POLN: variants seen among roughly 807,000 people sequenced by gnomAD.
POLN encodes DNA polymerase nu, also known as DNA polymerase N.
In POLN, 108 loss-of-function variants were observed where a neutral mutation model predicts 113.5. The observed-to-expected ratio is 0.95, with a 90% CI of 0.81 to 1.12. The LOEUF (loss-of-function observed/expected upper bound fraction) is 1.12. Among genes scored for constraint, POLN ranks in the 50% most tolerant of loss-of-function variants. The probability of loss-of-function intolerance (pLI) is 0.00; values close to 1 mark genes in which losing one functional copy is unlikely to be tolerated. For missense variants in POLN, 1,097 were observed against 1,077.1 expected (o/e 1.02, Z -0.26); for synonymous variants, 386 against 391.5 (o/e 0.99, Z 0.17).
chr4:2,170,274 C>A (rs185200416), intron 13 of POLN, among the ~76,000 whole-genome samples: 184 of 151,950 alleles, frequency 1.2e-3, no homozygotes, highest in Admixed American at 2.8e-3. Context: ...TCCTTGTCTT[C>A]AAAAAAAATT....
In POLN at chr4:2,238,619, T is replaced by C. The variant is rs1194005583; in HGVS notation, c.-13+2901A>G. 5.0e-6 allele frequency: 8 copies of C among 1,595,736 alleles called. No individual in the cohort carries two copies. The South Asian group carries it at 6.7e-5, about 13-fold the overall frequency. On this transcript the variant is annotated intron_variant, in intron 2 of 25. Transcript: ENST00000511885. ...GCATACGTACCTATGAGTAGAATAA[T>C]CCTTAGTATCAATGGTATTCCTTGG...
chr4:2,198,680 A>C lies in POLN; in HGVS notation c.752T>G (p.Val251Gly). ...ATGGCCACCCTCTGCTTGGCGTTTT[A>C]CTAACACCACAATTCCTCTAACAGA... ...VSSVRGIVVL[V>G]KRQAEGGHGC... Residue 251 changes from valine to glycine, a missense_variant, in exon 6 of 26, where the codon GTA becomes GGA. Physicochemically the swap from Val to Gly is moderately radical, Grantham distance 109 (BLOSUM62 -3). Transcript: ENST00000511885. The C allele has an allele frequency of 6.2e-7, 1 of 1,613,020 alleles. No homozygotes were observed. Among genetic ancestry groups the C allele is most frequent in the Non-Finnish European group, 8.5e-7 (1 of 1,179,602 alleles).
intron 20 of POLN, among the ~76,000 whole-genome samples, chr4:2,087,984 T>C (rs1730588384): frequency 6.6e-6 from 1 of 152,142 alleles, no homozygotes. Flanking sequence ...ATGCCCACTG[T>C]GCCTGGTTAA....
chr4:2,133,894 T>G (rs1203666632), intron 16 of POLN, among the ~76,000 whole-genome samples: 9 of 152,362 alleles, frequency 5.9e-5, no homozygotes, highest in Admixed American at 5.9e-4. Flanking sequence ...ACTCTTGCTG[T>G]TGTACATTCT....
rs535684206 is a variant in POLN, at chr4:2,225,487, G to A, written c.133+3612C>T. Among the ~76,000 whole-genome samples, 7 of 151,698 alleles carry A rather than the reference G, an allele frequency of 4.6e-5. No homozygotes were observed. In the South Asian group the frequency reaches 1.5e-3, roughly 32 times the overall value. ...GGAGAATCCCTTGAACCCAGGAGGGGGGGTTGCAGTGAGCCGAGATCGCAC... is the reference window on the plus strand; with the variant it reads ...GGAGAATCCCTTGAACCCAGGAGGGAGGGTTGCAGTGAGCCGAGATCGCAC... On this transcript the variant is annotated intron_variant, in intron 3 of 25. Transcript: ENST00000511885.
chr4:2,217,095 C>T (rs1734131144), intron 3 of POLN, among the ~76,000 whole-genome samples: 1 of 152,200 alleles, frequency 6.6e-6, no homozygotes, highest in South Asian at 2.1e-4. Context: ...CCTCCACATG[C>T]CTTACTCCAG....
At chr4:2,230,486 G>C (rs1299361705) in intron 2 of POLN, 1 of 152,020 alleles carries the variant, frequency 6.6e-6, no homozygotes, top group African/African-American at 2.4e-5. Flanking sequence ...AAAAAAAGTT[G>C]CTCAGGTGAT....
chr4:2,169,940 G>A (rs1017771639), intron 13 of POLN, among the ~76,000 whole-genome samples: 4 of 152,222 alleles, frequency 2.6e-5, no homozygotes, highest in Admixed American at 6.5e-5. Flanking sequence ...CACAGTCAAC[G>A]AGCTCAGGCT....
intron 6 of POLN, among the ~76,000 whole-genome samples, chr4:2,193,932 T>A (rs1029814857): frequency 3.3e-5 from 5 of 152,204 alleles, no homozygotes; most frequent in Non-Finnish European, 4.4e-5. Flanking sequence ...TGCTGTATTA[T>A]AATGTGCCTT....
intron 20 of POLN, 113 bp downstream of exon 20, chr4:2,095,738 C>A: frequency 1.1e-6 from 1 of 950,934 alleles, no homozygotes; most frequent in Non-Finnish European, 1.7e-6. Context: ...AGAGCATAAA[C>A]AACACCCAGG....
chr4:2,132,010 C>G (rs978938087), intron 16 of POLN, among the ~76,000 whole-genome samples: 2 of 152,198 alleles, frequency 1.3e-5, no homozygotes, highest in African/African-American at 4.8e-5. Flanking sequence ...CTGGCTAAAT[C>G]TGACGAATTG....
intron 19 of POLN, among the ~76,000 whole-genome samples, chr4:2,124,008 G>A (rs1731515463): frequency 6.6e-6 from 1 of 152,116 alleles, no homozygotes; most frequent in African/African-American, 2.4e-5. Flanking sequence ...GTATTTTTCA[G>A]CCTTAAAAAG....
Position 2,171,197 on chromosome 4 carries a change from A to G in POLN, c.1375-16T>C. 1 of 1,586,238 alleles carries G rather than the reference A, an allele frequency of 6.3e-7. No individual in the cohort carries two copies. The highest frequency in any genetic ancestry group is 8.6e-7 in the Non-Finnish European group (1 of 1,161,206). On this transcript the variant is annotated splice_polypyrimidine_tract_variant and intron_variant, in intron 11 of 25. Coordinates refer to ENST00000511885, the MANE Select transcript of POLN (RefSeq NM_181808.4). ...TGAGACGAGCCTGAAAATATGATAC[A>G]CACAATTAATTTCATTCATAGTTTT...
chr4:2,148,199 A>G (rs1047172316), intron 16 of POLN, among the ~76,000 whole-genome samples: 1 of 152,232 alleles, frequency 6.6e-6, no homozygotes, highest in African/African-American at 2.4e-5. Flanking sequence ...AGTGAACTAG[A>G]CAATATAGTA....
In POLN at chr4:2,194,641, A is replaced by C. The variant is rs141098528; in HGVS notation, c.909-1325T>G. Among the ~76,000 whole-genome samples, 257 of 152,276 alleles carry C rather than the reference A, an allele frequency of 1.7e-3. 2 individuals carry two copies. The highest frequency in any genetic ancestry group is 5.9e-3 in the African/African-American group (244 of 41,554). On this transcript the variant is annotated intron_variant, in intron 6 of 25. Transcript: ENST00000511885. The stretch of plus-strand genomic sequence containing the variant: ...AAACTCAAGAGTTCTGTGATGAGGT[A>C]ATCTACCAACTACACTATCTTCCGC...
intron 2 of POLN, chr4:2,231,044 C>T (rs1341121355): frequency 2.0e-5 from 3 of 152,200 alleles, no homozygotes; most frequent in Non-Finnish European, 2.9e-5. Flanking sequence ...AGTCAAAGCA[C>T]TGCTCAGCTG....
intron 6 of POLN, among the ~76,000 whole-genome samples, chr4:2,194,538 A>G (rs1418865059): frequency 6.6e-6 from 1 of 152,144 alleles, no homozygotes; most frequent in East Asian, 1.9e-4. Context: ...GAGGGTGTCC[A>G]AGAGGGAGTA....
At chr4:2,129,071 A>AG in intron 18 of POLN, 108 bp downstream of exon 18, 1 of 820,386 alleles carries the variant, frequency 1.2e-6, no homozygotes, top group East Asian at 3.3e-5. Context: ...AAAAAAAAAA[A>AG]AAAAAGAATT....
In POLN at chr4:2,241,888, C is replaced by T. The variant is rs565840961; in HGVS notation, c.-283-98G>A. Reference sequence around the variant, plus strand: ...CCGCACAGCCCCCGCCCCAGCTCCTCGCCCAGCGGACCGGGCCCTGATCCC... The same window carrying T: ...CCGCACAGCCCCCGCCCCAGCTCCTTGCCCAGCGGACCGGGCCCTGATCCC... On this transcript the variant is annotated intron_variant, in intron 1 of 25. Transcript: ENST00000511885. 5.0e-5 allele frequency: 49 copies of T among 985,508 alleles called. 1 individual carries two copies. In the South Asian group the frequency reaches 2.1e-3, roughly 42 times the overall value. 61.0% of individuals were successfully genotyped at this position (985,508 alleles called of 1,614,324 possible). A position where few individuals can be genotyped will look rare whatever the true frequency, so the allele number is the denominator to read the frequency against.
Sources: allele counts gnomAD v4.1 joint callset (sites outside exome capture counted in the v4.1 genomes callset), GRCh38; gene constraint gnomAD v4.1.1; transcripts MANE v1.5; gene names NCBI Gene and HGNC (gene_info 2026-07-23, HGNC 2026-07-21).